Variants in IRX1 observed in about 807,000 individuals in gnomAD.
The protein encoded by IRX1 is iroquois-class homeodomain protein IRX-1.
In IRX1, 22 loss-of-function variants were observed where a neutral mutation model predicts 34.1. The ratio of observed to expected loss-of-function variants is 0.64; its 90% CI spans 0.46 to 0.92. The LOEUF (loss-of-function observed/expected upper bound fraction) is 0.92. Among genes scored for constraint, IRX1 ranks in the 40% least tolerant of loss-of-function variants. The probability of loss-of-function intolerance (pLI) is 0.00; values close to 1 mark genes in which losing one functional copy is unlikely to be tolerated. For synonymous variants in IRX1, 363 were observed against 319.0 expected, an observed-to-expected ratio of 1.14 and a Z score of -1.47; for missense variants, 758 against 680.0, an observed-to-expected ratio of 1.11 and a Z score of -1.28.
chr5:3,597,522 C>T (rs1435880512), intron 1 of IRX1, among the ~76,000 whole-genome samples: 1 of 152,190 alleles, frequency 6.6e-6, no homozygotes, highest in Non-Finnish European at 1.5e-5. Flanking sequence ...GAAAGCGGCC[C>T]GGCTGCCTTT....
Position 3,596,300 on chromosome 5 carries a change from G to A in IRX1, c.195G>A (p.Ala65=), listed in dbSNP as rs766800605. The change falls in exon 1 of 4, where the codon GCG becomes GCA. Residue 65 remains alanine, a synonymous_variant. Coordinates refer to ENST00000302006, the MANE Select transcript of IRX1 (RefSeq NM_024337.4). ...TCACCTCGGTGCTGGGCATGTACGC[G>A]GCGGCGGGGCCGTACGCGGGCGCGC... ...AAVTSVLGMY[A]AAGPYAGAPN... 3 of 1,448,210 alleles carry A rather than the reference G, an allele frequency of 2.1e-6. No homozygotes were observed. The highest frequency in any genetic ancestry group is 2.7e-6 in the Non-Finnish European group (3 of 1,102,682). 89.7% of individuals were successfully genotyped at this position (1,448,210 alleles called of 1,614,324 possible). A position where few individuals can be genotyped will look rare whatever the true frequency, so the allele number is the denominator to read the frequency against.
At position 3,600,254 on chromosome 5, in the gene IRX1, C is replaced by G. The variant is rs2111299029; in HGVS notation, c.1306C>G (p.Leu436Val). 6.3e-7 allele frequency: 1 copy of G among 1,587,634 alleles called. No homozygotes were observed. Among genetic ancestry groups the G allele is most frequent in the African/African-American group, 1.3e-5 (1 of 74,744 alleles). ...DKASVRSSPTLPERDLVPRPD... is the reference protein window; with the variant it reads ...DKASVRSSPTVPERDLVPRPD... ...GGCCTCGGTCCGCAGCAGCCCCACG[C>G]TCCCAGGTACAGCTCCAGGCCGCGT... The change falls in exon 2 of 4, where the codon CTC becomes GTC. Residue 436 changes from leucine (L) to valine (V), a missense_variant. Physicochemically the swap from Leu to Val is conservative, Grantham distance 32 (BLOSUM62 1). Coordinates refer to ENST00000302006, the MANE Select transcript of IRX1 (RefSeq NM_024337.4).
chr5:3,597,517 C>T (rs983782626), intron 1 of IRX1, among the ~76,000 whole-genome samples: 5 of 152,208 alleles, frequency 3.3e-5, no homozygotes, highest in African/African-American at 1.2e-4. Context: ...TGAAAGAAAG[C>T]GGCCCGGCTG....
chr5:3,596,542 G>A (rs1743702037), intron 1 of IRX1, among the ~76,000 whole-genome samples, 161 bp downstream of exon 1: 1 of 152,128 alleles, frequency 6.6e-6, no homozygotes, highest in Admixed American at 6.5e-5. Flanking sequence ...GCGGCCCCCG[G>A]GGACGCAAGA....
rs780178806 is a variant in IRX1 at position 3,596,401 on chromosome 5, C to G, written c.276+20C>G. 5.4e-6 allele frequency: 8 copies of G among 1,491,836 alleles called. No homozygotes were observed. In the Admixed American group the frequency reaches 9.0e-5, roughly 17 times the overall value. The allele number at this position is 1,491,836 out of a possible 1,614,324, so 92.4% of individuals were successfully genotyped here. A position where few individuals can be genotyped will look rare whatever the true frequency, so the allele number is the denominator to read the frequency against. Reference sequence around the variant, plus strand: ...CAGATGGTGAGTGCGCCCGGCCTCCCCCGCTTCTCCTCTGTCTCACCCGCG... The same window carrying G: ...CAGATGGTGAGTGCGCCCGGCCTCCGCCGCTTCTCCTCTGTCTCACCCGCG... On this transcript the variant is annotated intron_variant, in intron 1 of 3. Transcript: ENST00000302006.
chr5:3,599,838 T>G lies in IRX1; in HGVS notation c.890T>G (p.Leu297Arg), dbSNP rs1347594632. The G allele has an allele frequency of 1.9e-6, 3 of 1,553,210 alleles. No homozygotes were observed. The highest frequency in any genetic ancestry group is 1.2e-5 in the South Asian group (1 of 85,062). The part of the protein sequence containing the change: ...EAPEPGSTRL[L>R]SPGAAAGGLQ... ...CCAGAGCCGGGCAGCACGCGCCTGC[T>G]GAGCCCCGGCGCTGCAGCGGGCGGC... Residue 297 changes from leucine (L) to arginine (R), a missense_variant, in exon 2 of 4, where the codon CTG (leucine) becomes CGG (arginine). By Grantham distance (102) the Leu-to-Arg change is moderately radical (BLOSUM62 -2). Transcript: ENST00000302006. This position sits in a 1 kb window ranked among gnomAD's most constrained non-coding sequence, Gnocchi z 6.6.
At position 3,599,076 on chromosome 5, in the gene IRX1, C is replaced by T. The variant is rs1350497630; in HGVS notation, c.277-149C>T. On this transcript the variant is annotated intron_variant, in intron 1 of 3. Coordinates refer to ENST00000302006, the MANE Select transcript of IRX1 (RefSeq NM_024337.4). This position sits in a 1 kb window ranked among gnomAD's most constrained non-coding sequence, Gnocchi z 6.6. The stretch of plus-strand genomic sequence containing the variant: ...TCCTGATCTGCCCAGCACAGGAGAG[C>T]CCCGCAAAGCGCCTGGGAGGCCCTC... The T allele has an allele frequency of 1.3e-6, 1 of 763,956 alleles. No homozygotes were observed. Among genetic ancestry groups the T allele is most frequent in the Admixed American group, 2.9e-5 (1 of 34,962 alleles). 47.3% of individuals were successfully genotyped at this position (763,956 alleles called of 1,614,324 possible).
At position 3,599,206 on chromosome 5, in the gene IRX1, A is replaced by G. The variant is rs861185; in HGVS notation, c.277-19A>G. 0.21 allele frequency: 340,197 copies of G among 1,603,662 alleles called. 38,302 individuals carry two copies. Among genetic ancestry groups the G allele is most frequent in the Admixed American group, 0.39 (23,228 of 59,594 alleles). On this transcript the variant is annotated intron_variant, in intron 1 of 3. Coordinates refer to ENST00000302006, the MANE Select transcript of IRX1 (RefSeq NM_024337.4). This position sits in a 1 kb window ranked among gnomAD's most constrained non-coding sequence, Gnocchi z 6.6. Reference sequence around the variant, plus strand: ...CTTCCCTCCTCTCTCTCCTCGATGGATCTGCCCTGTGGCTTCAGGGCTCGC... The same window carrying G: ...CTTCCCTCCTCTCTCTCCTCGATGGGTCTGCCCTGTGGCTTCAGGGCTCGC...
intron 1 of IRX1, among the ~76,000 whole-genome samples, chr5:3,598,227 G>A (rs1390760208): frequency 6.6e-6 from 1 of 152,134 alleles, no homozygotes; most frequent in African/African-American, 2.4e-5. Flanking sequence ...TAATAATGAG[G>A]CCTAATGAGG....
At chr5:3,596,651 G>A (rs1325598635) in intron 1 of IRX1, among the ~76,000 whole-genome samples, 1 of 152,138 alleles carries the variant, frequency 6.6e-6, no homozygotes, top group Admixed American at 6.5e-5. Context: ...CAGAGAGGCC[G>A]CAGAAGCAGG....
chr5:3,599,977 G>T lies in IRX1; in HGVS notation c.1029G>T (p.Ala343=), dbSNP rs1046348257. 3 of 1,510,034 alleles carry T rather than the reference G, an allele frequency of 2.0e-6. No individual in the cohort carries two copies. Among genetic ancestry groups the T allele is most frequent in the Admixed American group, 2.1e-5 (1 of 46,900 alleles). 93.5% of individuals were successfully genotyped at this position (1,510,034 alleles called of 1,614,324 possible). A position where few individuals can be genotyped will look rare whatever the true frequency, so the allele number is the denominator to read the frequency against. The change falls in exon 2 of 4, where the codon GCG becomes GCT. Residue 343 remains alanine (A), a synonymous_variant. Transcript: ENST00000302006. The surrounding 1 kb of genome is among the most constrained non-coding windows in gnomAD (Gnocchi z 6.6). The part of the protein sequence containing the change: ...SPPPPAGHPG[A]HGPSAGAPLQ... ...CACCACCCGCGGGCCACCCCGGCGCGCACGGGCCCTCCGCCGGGGCGCCGC... is the reference window on the plus strand; with the variant it reads ...CACCACCCGCGGGCCACCCCGGCGCTCACGGGCCCTCCGCCGGGGCGCCGC...
At chr5:3,597,456 C>G (rs1019101213) in intron 1 of IRX1, among the ~76,000 whole-genome samples, 3 of 152,208 alleles carry the variant, frequency 2.0e-5, no homozygotes, top group African/African-American at 4.8e-5. Flanking sequence ...AAACGCCCCT[C>G]AAGTGTGCAC....
Position 3,596,055 on chromosome 5 carries a change from TC to T in IRX1, c.-47del. ...CCCCTCCGGCCGGCCTCCGCCTCCC[TC>T]CCCGCGCCTTTAATACTCGCCCGCT... On this transcript the variant is annotated 5_prime_UTR_variant, in exon 1 of 4. Transcript: ENST00000302006. 9.8e-7 allele frequency: 1 copy of T among 1,022,128 alleles called. No individual in the cohort carries two copies. The highest frequency in any genetic ancestry group is 5.1e-5 in the Admixed American group (1 of 19,460). The allele number at this position is 1,022,128 out of a possible 1,614,324, so 63.3% of individuals were successfully genotyped here.
rs1287043718 is a variant in IRX1, at chr5:3,600,597, G to C, written c.1313-12G>C. 3 of 1,611,034 alleles carry C rather than the reference G, an allele frequency of 1.9e-6. No homozygotes were observed. The highest frequency in any genetic ancestry group is 2.5e-6 in the Non-Finnish European group (3 of 1,177,716). ...TCTCCGTCCTAACTCTGCCTCTTCC[G>C]ATCTCTCGCAGAGAGAGACCTCGTC... is the stretch of plus-strand genomic sequence containing the variant. On this transcript the variant is annotated splice_polypyrimidine_tract_variant and intron_variant, in intron 2 of 3. Coordinates refer to ENST00000302006, the MANE Select transcript of IRX1 (RefSeq NM_024337.4).
chr5:3,599,169 T>TC lies in IRX1; in HGVS notation c.277-56_277-55insC. The TC allele has an allele frequency of 6.5e-7, 1 of 1,527,068 alleles. No individual in the cohort carries two copies. Among genetic ancestry groups the TC allele is most frequent in the Admixed American group, 1.8e-5 (1 of 54,536 alleles). The allele number at this position is 1,527,068 out of a possible 1,614,324, so 94.6% of individuals were successfully genotyped here. A position where few individuals can be genotyped will look rare whatever the true frequency, so the allele number is the denominator to read the frequency against. On this transcript the variant is annotated intron_variant, in intron 1 of 3. Coordinates refer to ENST00000302006, the MANE Select transcript of IRX1 (RefSeq NM_024337.4). This position sits in a 1 kb window ranked among gnomAD's most constrained non-coding sequence, Gnocchi z 6.6. Reference sequence around the variant, plus strand: ...ACTCATGTCTCTCTCTCTCTCTCCCTTTCTCTCTCCACTTCCCTCCTCTCT... The same window carrying TC: ...ACTCATGTCTCTCTCTCTCTCTCCCTCTTCTCTCTCCACTTCCCTCCTCTCT...
At chr5:3,597,898 A>G (rs1455401017) in intron 1 of IRX1, among the ~76,000 whole-genome samples, 3 of 152,200 alleles carry the variant, frequency 2.0e-5, no homozygotes, top group Non-Finnish European at 2.9e-5. Flanking sequence ...TTGCGAATGC[A>G]GTTGTGTGCC....
Position 3,596,084 on chromosome 5 carries a change from G to C in IRX1, c.-22G>C, listed in dbSNP as rs1047204072. The C allele has an allele frequency of 1.9e-6, 2 of 1,064,972 alleles. No homozygotes were observed. The highest frequency in any genetic ancestry group is 2.3e-6 in the Non-Finnish European group (2 of 880,890). The allele number at this position is 1,064,972 out of a possible 1,614,324, so 66.0% of individuals were successfully genotyped here. ...CGCGCCTTTAATACTCGCCCGCTGCGGCGGTCGCCGAGTCCGCGGACATGT... is the reference window on the plus strand; with the variant it reads ...CGCGCCTTTAATACTCGCCCGCTGCCGCGGTCGCCGAGTCCGCGGACATGT... On this transcript the variant is annotated 5_prime_UTR_variant, in exon 1 of 4. Transcript: ENST00000302006.
Position 3,599,295 on chromosome 5 carries a change from CTT to C in IRX1, c.348_349del (p.Tyr117LeufsTer114). 6.2e-7 allele frequency: 1 copy of C among 1,614,078 alleles called. No individual in the cohort carries two copies. ...ACCTTCGCAGCCCACACGGCGCCGG[CTT>C]ATTACCCCTACGGCCAGTTCCAATA... On this transcript the variant is annotated frameshift_variant, in exon 2 of 4. Transcript: ENST00000302006. LOFTEE classifies it high-confidence loss of function. The surrounding 1 kb of genome is among the most constrained non-coding windows in gnomAD (Gnocchi z 6.6).
At position 3,596,208 on chromosome 5, in the gene IRX1, G is replaced by T. The variant is rs528697190; in HGVS notation, c.103G>T (p.Ala35Ser). Residue 35 changes from alanine to serine, a missense_variant, in exon 1 of 4, where the codon GCT becomes TCT. Around this residue, in one of 3 missense-constraint regions of IRX1, gnomAD observed 195 missense variants for 195.0 expected, o/e 1.00. Transcript: ENST00000302006. Reference protein sequence around the residue: ...PGVLAAAAAAAAAASSGRPGA... With the variant: ...PGVLAAAAAASAAASSGRPGA... ...GGTGCTGGCCGCGGCCGCTGCGGCG[G>T]CTGCCGCCGCCTCGTCGGGCCGACC... 23 of 1,059,358 alleles carry T rather than the reference G, an allele frequency of 2.2e-5. 1 individual carries two copies. In the South Asian group the frequency reaches 9.2e-4, roughly 43 times the overall value. The allele number at this position is 1,059,358 out of a possible 1,614,324, so 65.6% of individuals were successfully genotyped here.
Sources: gnomAD v4.1 joint callset for allele counts (sites outside exome capture counted in the v4.1 genomes callset) on GRCh38, gnomAD v4.1.1 for gene constraint, gnomAD v4.1.1 regional missense constraint, Gnocchi (gnomAD v3.1) non-coding constraint, MANE v1.5 for transcripts, NCBI Gene and HGNC (gene_info 2026-07-23, HGNC 2026-07-21) for gene names.